Variants in MACROD2 observed in about 807,000 individuals in gnomAD.
MACROD2 encodes the protein mono-ADP ribosylhydrolase 2.
MACROD2 carries 36 observed loss-of-function variants against 70.4 expected under a neutral mutation model. The observed-to-expected ratio is 0.51, with a 90% confidence interval of 0.39 to 0.68. The LOEUF is 0.68. MACROD2 is among the 30% of genes least tolerant of loss of function. The pLI is 0.00. For missense variants in MACROD2, 496 were observed against 538.4 expected (o/e 0.92, Z 0.78); for synonymous variants, 172 against 178.8 (o/e 0.96, Z 0.30).
intron 5 of MACROD2, among the ~76,000 whole-genome samples, chr20:15,194,590 ACTCC>A (rs1238542261): frequency 3.9e-5 from 6 of 152,048 alleles, no homozygotes; most frequent in Non-Finnish European, 8.8e-5. Context: ...TATATTATTA[ACTCC>A]TGAATTATTT....
chr20:15,042,538 G>T (rs566268620), intron 5 of MACROD2, among the ~76,000 whole-genome samples: 12 of 152,264 alleles, frequency 7.9e-5, no homozygotes, highest in Middle Eastern at 3.4e-3. Context: ...GAAGAAACAT[G>T]GAAGAAACAT....
chr20:14,561,699 C>A (rs574041656), intron 4 of MACROD2, among the ~76,000 whole-genome samples: 1 of 151,888 alleles, frequency 6.6e-6, no homozygotes, highest in South Asian at 2.1e-4. Context: ...AACACCACAA[C>A]AATTTAAACA....
At chr20:15,613,488 A>T (rs561200164) in intron 8 of MACROD2, among the ~76,000 whole-genome samples, 1 of 152,310 alleles carries the variant, frequency 6.6e-6, no homozygotes, top group Admixed American at 6.5e-5. Flanking sequence ...ATGAACTCTA[A>T]AATCATTTTA....
chr20:15,008,651 T>C (rs2075058494), intron 5 of MACROD2, among the ~76,000 whole-genome samples: 3 of 151,860 alleles, frequency 2.0e-5, no homozygotes, highest in Admixed American at 1.3e-4. Flanking sequence ...GAAGGACTGT[T>C]CCCCCCTTAC....
chr20:15,427,644 G>A (rs565643241), intron 6 of MACROD2, among the ~76,000 whole-genome samples: 21 of 152,278 alleles, frequency 1.4e-4, no homozygotes, highest in South Asian at 2.1e-4. Flanking sequence ...CTCTGAAGCT[G>A]GAAGGACCCT....
chr20:14,510,074 ATTAT>A (rs922053554), intron 4 of MACROD2, among the ~76,000 whole-genome samples: 2 of 152,072 alleles, frequency 1.3e-5, no homozygotes, highest in African/African-American at 2.4e-5. Flanking sequence ...TAACTTAAAA[ATTAT>A]TTAAGACTAT....
chr20:14,181,164 G>A (rs1189784021), intron 3 of MACROD2, among the ~76,000 whole-genome samples: 1 of 151,298 alleles, frequency 6.6e-6, no homozygotes, highest in East Asian at 1.9e-4. Context: ...GACTTCCTGG[G>A]CTCAAGTGAT....
chr20:14,219,868 T>C (rs1308537707), intron 3 of MACROD2, among the ~76,000 whole-genome samples: 2 of 152,164 alleles, frequency 1.3e-5, no homozygotes, highest in Non-Finnish European at 2.9e-5. Flanking sequence ...CAGAGTCCTG[T>C]GATACCAACC....
At chr20:15,169,140 T>G (rs1166590023) in intron 5 of MACROD2, among the ~76,000 whole-genome samples, 1 of 152,158 alleles carries the variant, frequency 6.6e-6, no homozygotes, top group Non-Finnish European at 1.5e-5. Flanking sequence ...TACCTAAAAT[T>G]GGTTAAAAGG....
chr20:14,260,199 G>A (rs1010669273), intron 3 of MACROD2, among the ~76,000 whole-genome samples: 11 of 152,142 alleles, frequency 7.2e-5, no homozygotes, highest in African/African-American at 2.7e-4. Flanking sequence ...GTGTGTAGAA[G>A]TATGAGTACA....
intron 4 of MACROD2, among the ~76,000 whole-genome samples, chr20:14,630,951 G>T (rs1411093447): frequency 6.6e-6 from 1 of 151,988 alleles, no homozygotes; most frequent in Non-Finnish European, 1.5e-5. Context: ...TTCACTTACA[G>T]AATTATTTTT....
chr20:14,637,573 A>G (rs1411722739), intron 4 of MACROD2, among the ~76,000 whole-genome samples: 2 of 152,192 alleles, frequency 1.3e-5, no homozygotes, highest in Non-Finnish European at 2.9e-5. Flanking sequence ...TGCCTTCTGT[A>G]TAGTTTTACA....
intron 8 of MACROD2, among the ~76,000 whole-genome samples, chr20:15,741,854 T>G (rs62194110): frequency 0.14 from 20,571 of 152,208 alleles, 1,594 homozygotes; most frequent in Non-Finnish European, 0.17. Flanking sequence ...GTAAATACTT[T>G]GAACATAGTA....
chr20:14,497,809 C>T lies in MACROD2; in HGVS notation c.301+4301C>T, dbSNP rs76447925. ...TTTGCATCAATGCTGTAATTTGATA[C>T]CTTATTCCTGAGTTGATTCTGTGGC... is the stretch of plus-strand genomic sequence containing the variant. On this transcript the variant is annotated intron_variant, in intron 4 of 17. Coordinates refer to ENST00000684519, the MANE Select transcript of MACROD2 (RefSeq NM_001351661.2). Among the ~76,000 whole-genome samples, 2 of 151,752 alleles carry T rather than the reference C, an allele frequency of 1.3e-5. 1 individual carries two copies. Among genetic ancestry groups the T allele is most frequent in the African/African-American group, 4.9e-5 (2 of 41,112 alleles).
At chr20:14,091,955 C>T (rs1220595732) in intron 3 of MACROD2, among the ~76,000 whole-genome samples, 1 of 152,030 alleles carries the variant, frequency 6.6e-6, no homozygotes, top group African/African-American at 2.4e-5. Context: ...GATAGACATC[C>T]AAGAATGTGA....
chr20:15,954,563 A>G (rs2065950195), intron 12 of MACROD2, among the ~76,000 whole-genome samples: 1 of 152,160 alleles, frequency 6.6e-6, no homozygotes. Context: ...GTTGTCCACC[A>G]TTTTATCCCT....
chr20:14,306,801 C>G (rs1043814553), intron 3 of MACROD2, among the ~76,000 whole-genome samples: 1 of 151,992 alleles, frequency 6.6e-6, no homozygotes, highest in East Asian at 1.9e-4. Flanking sequence ...AAGCAAAGAT[C>G]AATTGTATAT....
At chr20:16,032,231 A>G (rs921469314) in intron 15 of MACROD2, among the ~76,000 whole-genome samples, 6 of 152,144 alleles carry the variant, frequency 3.9e-5, no homozygotes, top group African/African-American at 7.2e-5. Flanking sequence ...ATATGGGAAC[A>G]ATATACAATG....
At chr20:14,496,162 T>G (rs1003219149) in intron 4 of MACROD2, among the ~76,000 whole-genome samples, 1 of 152,220 alleles carries the variant, frequency 6.6e-6, no homozygotes, top group African/African-American at 2.4e-5. Context: ...GCGATTGAAT[T>G]GATGTAATTC....
Sources: gnomAD v4.1 joint callset for allele counts (sites outside exome capture counted in the v4.1 genomes callset) on GRCh38, gnomAD v4.1.1 for gene constraint, MANE v1.5 for transcripts, NCBI Gene and HGNC (gene_info 2026-07-23, HGNC 2026-07-21) for gene names.